SNIP1: variants seen among roughly 807,000 people sequenced by gnomAD.
The protein encoded by SNIP1 is Smad nuclear interacting protein 1.
SNIP1 carries 23 observed loss-of-function variants against 37.4 expected under a neutral mutation model. The ratio of observed to expected loss-of-function variants is 0.61; its 90% CI spans 0.44 to 0.87. SNIP1 has a LOEUF of 0.87. Ranked by LOEUF, SNIP1 falls within the 40% of genes least tolerant of loss-of-function variation. The probability of loss-of-function intolerance (pLI) is 0.00; values close to 1 mark genes in which losing one functional copy is unlikely to be tolerated. For synonymous variants in SNIP1, 174 were observed against 200.0 expected, an observed-to-expected ratio of 0.87 and a Z score of 1.10; for missense variants, 459 against 540.4, an observed-to-expected ratio of 0.85 and a Z score of 1.49.
intron 2 of SNIP1, among the ~76,000 whole-genome samples, chr1:37,550,214 A>G (rs768334865): frequency 2.0e-5 from 3 of 152,214 alleles, no homozygotes; most frequent in Non-Finnish European, 4.4e-5. Flanking sequence ...CAATCCATAA[A>G]AGGAAAAACA....
Position 37,535,144 on chromosome 1 carries a change from G to A in SNIP1, c.*2604C>T, listed in dbSNP as rs1264179837. On this transcript the variant is annotated 3_prime_UTR_variant, in exon 4 of 4. Coordinates refer to ENST00000296215, the MANE Select transcript of SNIP1 (RefSeq NM_024700.4). ...CCCAGCACTTTGGGAGGCTGAGAGGGGCGGATCACAAGGTCAGGAGTTCGA... is the reference window on the plus strand; with the variant it reads ...CCCAGCACTTTGGGAGGCTGAGAGGAGCGGATCACAAGGTCAGGAGTTCGA... 2 of 148,144 alleles carry A rather than the reference G, an allele frequency of 1.4e-5. No individual in the cohort carries two copies. Among genetic ancestry groups the A allele is most frequent in the Admixed American group, 6.8e-5 (1 of 14,718 alleles). 9.2% of individuals were successfully genotyped at this position (148,144 alleles called of 1,614,324 possible). A position where few individuals can be genotyped will look rare whatever the true frequency, so the allele number is the denominator to read the frequency against.
intron 2 of SNIP1, among the ~76,000 whole-genome samples, chr1:37,550,516 G>C (rs1570028977): frequency 6.6e-6 from 1 of 151,618 alleles, no homozygotes; most frequent in East Asian, 2.0e-4. Flanking sequence ...GGACCAGCCT[G>C]GTCAAAATGA....
chr1:37,545,052 T>C (rs975309036), intron 2 of SNIP1: 4 of 752,934 alleles, frequency 5.3e-6, no homozygotes, highest in African/African-American at 1.7e-5. Context: ...CTGAATGCGA[T>C]GGAGCATGCA....
Position 37,537,638 on chromosome 1 carries a change from G to A in SNIP1, c.*110C>T, listed in dbSNP as rs902827526. 3 of 1,128,124 alleles carry A rather than the reference G, an allele frequency of 2.7e-6. No homozygotes were observed. The African/African-American group carries it at 4.7e-5, about 18-fold the overall frequency. 69.9% of individuals were successfully genotyped at this position (1,128,124 alleles called of 1,614,324 possible). ...AGAGGAAAGACTTAAGGCAGTAAGA[G>A]GCATTACAGAGAGCACCATAGTGCT... On this transcript the variant is annotated 3_prime_UTR_variant, in exon 4 of 4. Coordinates refer to ENST00000296215, the MANE Select transcript of SNIP1 (RefSeq NM_024700.4).
At chr1:37,546,041 A>G (rs1326769062) in intron 2 of SNIP1, among the ~76,000 whole-genome samples, 2 of 152,048 alleles carry the variant, frequency 1.3e-5, no homozygotes, top group African/African-American at 4.8e-5. Flanking sequence ...CCATTTCTGG[A>G]TATCCCAAAC....
chr1:37,547,043 T>C (rs1643246951), intron 2 of SNIP1, among the ~76,000 whole-genome samples: 1 of 152,262 alleles, frequency 6.6e-6, no homozygotes, highest in Admixed American at 6.5e-5. Flanking sequence ...GTTGTTCTTC[T>C]ATCTACAGTC....
At chr1:37,538,166 G>GA (rs1245209534) in intron 3 of SNIP1, among the ~76,000 whole-genome samples, 154 bp from the exon 4 acceptor site, 1 of 152,164 alleles carries the variant, frequency 6.6e-6, no homozygotes, top group East Asian at 1.9e-4. Context: ...AAATCAAGGG[G>GA]AAAGCATGGC....
Position 37,540,243 on chromosome 1 carries a change from C to T in SNIP1, c.840G>A (p.Ala280=), listed in dbSNP as rs748638607. The T allele has an allele frequency of 3.7e-6, 6 of 1,613,944 alleles. No homozygotes were observed. The highest frequency in any genetic ancestry group is 3.3e-5 in the South Asian group (3 of 91,064). ...TGCGGCGGTGTCGACCCAGTAGGTA[C>T]GCACTCTGTCGATGTATGTACATGA... ...LPVMYIHRQS[A]YLLGRHRRIA... The change falls in exon 3 of 4, where the codon GCG becomes GCA. Residue 280 remains alanine, a synonymous_variant. Coordinates refer to ENST00000296215, the MANE Select transcript of SNIP1 (RefSeq NM_024700.4). The surrounding 1 kb of genome is among the most constrained non-coding windows in gnomAD (Gnocchi z 5.6).
chr1:37,540,766 AAC>A lies in SNIP1; in HGVS notation c.328-13_328-12del. The A allele has an allele frequency of 1.3e-6, 2 of 1,570,576 alleles. No individual in the cohort carries two copies. Among genetic ancestry groups the A allele is most frequent in the Non-Finnish European group, 1.7e-6 (2 of 1,157,236 alleles). On this transcript the variant is annotated splice_polypyrimidine_tract_variant and intron_variant, in intron 2 of 3. Transcript: ENST00000296215. This position sits in a 1 kb window ranked among gnomAD's most constrained non-coding sequence, Gnocchi z 5.6. Reference sequence around the variant, plus strand: ...ATGATCCTCACGCTCCTAAAATTCAAACAGATTCTGTAATTTAAACGCAGTGC... The same window carrying A: ...ATGATCCTCACGCTCCTAAAATTCAAAGATTCTGTAATTTAAACGCAGTGC...
At chr1:37,544,624 G>A in intron 2 of SNIP1, 1 of 458,384 alleles carries the variant, frequency 2.2e-6, no homozygotes, top group South Asian at 2.0e-5. Context: ...ACGGAACCAG[G>A]CACTCGTACC....
intron 3 of SNIP1, among the ~76,000 whole-genome samples, chr1:37,539,020 C>T (rs1053396410): frequency 1.3e-5 from 2 of 152,098 alleles, no homozygotes; most frequent in African/African-American, 4.8e-5. Flanking sequence ...CTAGGTTGCG[C>T]GCTCCTTACG....
chr1:37,551,942 T>C (rs961304234), intron 2 of SNIP1, among the ~76,000 whole-genome samples: 28 of 152,188 alleles, frequency 1.8e-4, no homozygotes, highest in Non-Finnish European at 3.5e-4. Flanking sequence ...CACAAATGTC[T>C]ATATAGCAGC....
intron 2 of SNIP1, chr1:37,548,985 G>A (rs541566507): frequency 7.3e-5 from 11 of 151,562 alleles, no homozygotes; most frequent in East Asian, 1.9e-4. Context: ...GCATGAAAAC[G>A]GACTAATGCA....
In SNIP1 at chr1:37,540,285, A is replaced by T; in HGVS notation, c.798T>A (p.Asn266Lys). 6.2e-7 allele frequency: 1 copy of T among 1,614,110 alleles called. No homozygotes were observed. Among genetic ancestry groups the T allele is most frequent in the Non-Finnish European group, 8.5e-7 (1 of 1,180,006 alleles). Residue 266 changes from asparagine to lysine, a missense_variant, in exon 3 of 4, where the codon AAT becomes AAA. By Grantham distance (94) the Asn-to-Lys change is moderately conservative. Coordinates refer to ENST00000296215, the MANE Select transcript of SNIP1 (RefSeq NM_024700.4). This position sits in a 1 kb window ranked among gnomAD's most constrained non-coding sequence, Gnocchi z 5.6. ...TGTACATGACTGGAAGCACCTCATC[A>T]TTTTTAAATGGGTAGAGACGCCACC... ...KKRWRLYPFK[N>K]DEVLPVMYIH...
chr1:37,543,056 G>GAA (rs753130549), intron 2 of SNIP1, among the ~76,000 whole-genome samples: 25 of 106,332 alleles, frequency 2.4e-4, no homozygotes, highest in South Asian at 9.2e-4. Flanking sequence ...ACCCTGTCTT[G>GAA]AAAAAAAAAA....
intron 3 of SNIP1, among the ~76,000 whole-genome samples, chr1:37,538,613 G>A (rs1026067886): frequency 1.3e-5 from 2 of 151,850 alleles, no homozygotes; most frequent in African/African-American, 4.8e-5. Context: ...TCTTGCTGTG[G>A]TTAAGAAAAT....
rs772726997 is a variant in SNIP1, at chr1:37,554,101, G to A, written c.129C>T (p.His43=). 4 of 1,611,590 alleles carry A rather than the reference G, an allele frequency of 2.5e-6. No homozygotes were observed. The highest frequency in any genetic ancestry group is 2.7e-5 in the African/African-American group (2 of 74,882). ...TACCACCGGAGTGGTCCGGACGGCG[G>A]TGGGCGGGAGGTGCGACTTCTGGGC... ...RLSPEVAPPA[H]RRPDHSGGSP... is the part of the protein sequence containing the mutation. Residue 43 remains histidine (H), a synonymous_variant, in exon 1 of 4, where the codon CAC becomes CAT. Transcript: ENST00000296215.
At position 37,537,914 on chromosome 1, in the gene SNIP1, T is replaced by G; in HGVS notation, c.1025A>C (p.Lys342Thr). 2.5e-6 allele frequency: 4 copies of G among 1,614,160 alleles called. No individual in the cohort carries two copies. The highest frequency in any genetic ancestry group is 3.4e-6 in the Non-Finnish European group (4 of 1,180,034). Residue 342 changes from lysine to threonine, a missense_variant, in exon 4 of 4, where the codon AAA becomes ACA. Transcript: ENST00000296215. Reference protein sequence around the residue: ...GSGNGTFLNNKRIEPQRYYEL... With the variant: ...GSGNGTFLNNTRIEPQRYYEL... ...ATAGTATCTCTGTGGCTCAATACGT[T>G]TGTTGTTTAAGAAGGTTCCATTGCC...
At chr1:37,543,099 G>A (rs1643192802) in intron 2 of SNIP1, among the ~76,000 whole-genome samples, 1 of 146,260 alleles carries the variant, frequency 6.8e-6, no homozygotes, top group Admixed American at 6.9e-5. Flanking sequence ...AATACATGAA[G>A]ATATGCTTAC....
Sources: gnomAD v4.1 joint callset for allele counts (sites outside exome capture counted in the v4.1 genomes callset) on GRCh38, gnomAD v4.1.1 for gene constraint, Gnocchi (gnomAD v3.1) non-coding constraint, MANE v1.5 for transcripts, NCBI Gene and HGNC (gene_info 2026-07-23, HGNC 2026-07-21) for gene names.